FSIP1: variants seen among roughly 807,000 people sequenced by gnomAD.
FSIP1 encodes fibrous sheath-interacting protein 1.
In FSIP1, 65 loss-of-function variants were observed where a neutral mutation model predicts 60.9. That is an observed-to-expected ratio of 1.07 (90% CI 0.87 to 1.31). FSIP1 has a LOEUF of 1.31. Ranked by LOEUF, FSIP1 falls within the 40% of genes most tolerant of loss-of-function variation. FSIP1 has a pLI of 0.00. For synonymous variants in FSIP1, 209 were observed against 221.2 expected, an observed-to-expected ratio of 0.94 and a Z score of 0.49; for missense variants, 675 against 665.5, an observed-to-expected ratio of 1.01 and a Z score of -0.16.
At chr15:39,672,307 C>T (rs1460689025) in intron 10 of FSIP1, among the ~76,000 whole-genome samples, 2 of 152,148 alleles carry the variant, frequency 1.3e-5, no homozygotes, top group South Asian at 2.1e-4. Flanking sequence ...CATGAAGAGG[C>T]GATTGCTGTG....
At chr15:39,710,144 T>C (rs1426233446) in intron 10 of FSIP1, among the ~76,000 whole-genome samples, 1 of 152,090 alleles carries the variant, frequency 6.6e-6, no homozygotes, top group Non-Finnish European at 1.5e-5. Context: ...TCCACAATTA[T>C]GAAATCAGTT....
At chr15:39,620,299 G>A (rs1000077855) in intron 10 of FSIP1, among the ~76,000 whole-genome samples, 1 of 152,118 alleles carries the variant, frequency 6.6e-6, no homozygotes, top group African/African-American at 2.4e-5. Context: ...GAAATGTGAC[G>A]AGAAACAAGG....
At chr15:39,764,490 C>T (rs1897613637) in intron 4 of FSIP1, among the ~76,000 whole-genome samples, 1 of 152,140 alleles carries the variant, frequency 6.6e-6, no homozygotes, top group African/African-American at 2.4e-5. Context: ...AGGAAACTTT[C>T]CCAGAAGTCA....
rs869063502 is a variant in FSIP1 at position 39,633,091 on chromosome 15, C to CTTTTTTTTTTTTTTTTTTT, written c.1189-14865_1189-14847dup. On this transcript the variant is annotated intron_variant, in intron 10 of 11. Transcript: ENST00000350221. ...AATCTTCCCCACATAGGCTATACTT[C>CTTTTTTTTTTTTTTTTTTT]TTTTTTTTTTTTTTTTTTTTGAGAT... 3.5e-4 allele frequency among the ~76,000 whole-genome samples: 39 copies of CTTTTTTTTTTTTTTTTTTT among 112,884 alleles called. 1 individual carries two copies. Among genetic ancestry groups the CTTTTTTTTTTTTTTTTTTT allele is most frequent in the African/African-American group, 1.3e-3 (35 of 27,104 alleles). The allele number at this position is 112,884 out of a possible 152,430, so 74.1% of individuals were successfully genotyped here. A position where few individuals can be genotyped will look rare whatever the true frequency, so the allele number is the denominator to read the frequency against.
intron 5 of FSIP1, among the ~76,000 whole-genome samples, chr15:39,762,152 A>G (rs1465681990): frequency 6.6e-6 from 1 of 152,214 alleles, no homozygotes; most frequent in Non-Finnish European, 1.5e-5. Context: ...TCGGTTTCCT[A>G]GGGCTGCTAT....
chr15:39,683,047 C>T (rs943448212), intron 10 of FSIP1, among the ~76,000 whole-genome samples: 33 of 152,108 alleles, frequency 2.2e-4, no homozygotes, highest in Non-Finnish European at 8.8e-5. Flanking sequence ...ACAAAATACA[C>T]TGGCAGTAAA....
At chr15:39,717,625 A>G (rs890516775) in intron 9 of FSIP1, among the ~76,000 whole-genome samples, 4 of 152,200 alleles carry the variant, frequency 2.6e-5, no homozygotes, top group Admixed American at 6.5e-5. Flanking sequence ...CCATGCCAAA[A>G]CAATATAGGT....
chr15:39,725,812 T>C (rs1203397493), intron 9 of FSIP1, among the ~76,000 whole-genome samples: 1 of 151,254 alleles, frequency 6.6e-6, no homozygotes, highest in Non-Finnish European at 1.5e-5. Context: ...TGACAGAGAA[T>C]CTCGTTGTGT....
chr15:39,764,663 T>A (rs1276368349), intron 4 of FSIP1, among the ~76,000 whole-genome samples: 1 of 152,126 alleles, frequency 6.6e-6, no homozygotes, highest in East Asian at 1.9e-4. Flanking sequence ...CTCAATATTA[T>A]AGAGAATAAG....
intron 11 of FSIP1, among the ~76,000 whole-genome samples, chr15:39,609,376 C>A (rs1890942052): frequency 6.6e-6 from 1 of 152,168 alleles, no homozygotes; most frequent in East Asian, 1.9e-4. Context: ...CAGTGATTAC[C>A]TAAGGAGGGT....
At chr15:39,765,241 C>CT (rs71132116) in intron 4 of FSIP1, among the ~76,000 whole-genome samples, 42,874 of 115,186 alleles carry the variant, frequency 0.37, 8,415 homozygotes, top group Non-Finnish European at 0.42. Flanking sequence ...GAAATTCTTT[C>CT]TTTTTTTTTT....
intron 5 of FSIP1, among the ~76,000 whole-genome samples, chr15:39,750,845 A>G (rs1897140474): frequency 6.6e-6 from 1 of 151,936 alleles, no homozygotes; most frequent in African/African-American, 2.4e-5. Flanking sequence ...ATAAAAGAAA[A>G]AAACCTACAG....
In FSIP1 at chr15:39,691,746, T is replaced by C. The variant is rs1595619831; in HGVS notation, c.1188+21698A>G. ...AAAGTCTCTCAACTAATGTGACTCC[T>C]TCCTAGCTCAGAAAAGAGAATTATC... On this transcript the variant is annotated intron_variant, in intron 10 of 11. Coordinates refer to ENST00000350221, the MANE Select transcript of FSIP1 (RefSeq NM_152597.5). Among the ~76,000 whole-genome samples, 8 of 152,276 alleles carry C rather than the reference T, an allele frequency of 5.3e-5. 1 individual carries two copies. In the South Asian group the frequency reaches 1.7e-3, roughly 32 times the overall value.
chr15:39,719,584 A>G (rs1406282675), intron 9 of FSIP1, among the ~76,000 whole-genome samples: 3 of 152,380 alleles, frequency 2.0e-5, no homozygotes, highest in Middle Eastern at 3.4e-3. Context: ...TATGCAAATA[A>G]GGCATGCGTT....
chr15:39,717,471 A>G (rs1354085770), intron 9 of FSIP1, among the ~76,000 whole-genome samples: 3 of 152,118 alleles, frequency 2.0e-5, no homozygotes, highest in African/African-American at 4.8e-5. Flanking sequence ...AGATGTGCTG[A>G]GTTTTCTTAG....
intron 5 of FSIP1, among the ~76,000 whole-genome samples, chr15:39,746,135 A>G (rs987394570): frequency 6.6e-6 from 1 of 152,172 alleles, no homozygotes; most frequent in Non-Finnish European, 1.5e-5. Flanking sequence ...GAATGAAACA[A>G]TTTCATTCAA....
At chr15:39,657,469 C>A (rs1378485797) in intron 10 of FSIP1, among the ~76,000 whole-genome samples, 1 of 152,148 alleles carries the variant, frequency 6.6e-6, no homozygotes, top group African/African-American at 2.4e-5. Context: ...TTGTCTTAAT[C>A]TTAAGCAAAA....
At chr15:39,612,531 T>C (rs67239630) in intron 11 of FSIP1, among the ~76,000 whole-genome samples, 33,593 of 151,960 alleles carry the variant, frequency 0.22, 4,872 homozygotes, top group African/African-American at 0.4. Context: ...CAATAAATGC[T>C]TATTATCAAA....
chr15:39,645,301 G>A lies in FSIP1; in HGVS notation c.1189-27056C>T, dbSNP rs989570151. Among the ~76,000 whole-genome samples, 5 of 152,318 alleles carry A rather than the reference G, an allele frequency of 3.3e-5. 1 individual carries two copies. The highest frequency in any genetic ancestry group is 3.9e-4 in the East Asian group (2 of 5,176). ...ATCATGTCAGCTGCAGCAGGGAGGC[G>A]TGGCTGGGGCTGCACACTCCATGGA... On this transcript the variant is annotated intron_variant, in intron 10 of 11. Transcript: ENST00000350221.
Sources: allele counts gnomAD v4.1 joint callset (sites outside exome capture counted in the v4.1 genomes callset), GRCh38; gene constraint gnomAD v4.1.1; transcripts MANE v1.5; gene names NCBI Gene and HGNC (gene_info 2026-07-23, HGNC 2026-07-21).